Variants in SMIM23 observed in about 807,000 individuals in gnomAD.
The protein encoded by SMIM23 is small integral membrane protein 23, also known as CTB-78H18.1.
In SMIM23, 10 loss-of-function variants were observed where a neutral mutation model predicts 12.8. That is an observed-to-expected ratio of 0.78 (90% CI 0.48 to 1.32). The LOEUF (loss-of-function observed/expected upper bound fraction) is 1.32. SMIM23 is among the 40% of genes most tolerant of loss of function. SMIM23 has a pLI of 0.00. For missense variants in SMIM23, 184 were observed against 198.2 expected (o/e 0.93, Z 0.43); for synonymous variants, 78 against 80.1 (o/e 0.97, Z 0.14).
intron 1 of SMIM23, among the ~76,000 whole-genome samples, chr5:171,788,183 C>G (rs397832727): frequency 7.5e-5 from 11 of 146,914 alleles, no homozygotes; most frequent in Admixed American, 7.5e-4. Flanking sequence ...AACACACACA[C>G]ACACACACAC....
At chr5:171,778,819 C>T (rs1403892500), upstream of SMIM23, among the ~76,000 whole-genome samples, 3 of 152,216 alleles carry the variant, frequency 2.0e-5, no homozygotes, top group Non-Finnish European at 2.9e-5. Flanking sequence ...AATCCCACCA[C>T]GCAGGGTATA....
chr5:171,782,922 G>A (rs527715262), upstream of SMIM23, among the ~76,000 whole-genome samples: 5 of 152,258 alleles, frequency 3.3e-5, no homozygotes, highest in Non-Finnish European at 5.9e-5. Context: ...GCCGGCCTCC[G>A]TATGTAAGTT....
upstream of SMIM23, among the ~76,000 whole-genome samples, chr5:171,784,445 C>T (rs900362315): frequency 1.3e-5 from 2 of 151,824 alleles, no homozygotes; most frequent in Non-Finnish European, 2.9e-5. Flanking sequence ...GCAGAGCTTG[C>T]AGTGAGCCGA....
chr5:171,782,845 A>G (rs980542980), upstream of SMIM23: 2 of 152,190 alleles, frequency 1.3e-5, no homozygotes, highest in African/African-American at 4.8e-5. Context: ...TTAATTCCCC[A>G]CTACCCACAG....
At chr5:171,788,069 G>A (rs1251849552) in intron 1 of SMIM23, among the ~76,000 whole-genome samples, 1 of 151,256 alleles carries the variant, frequency 6.6e-6, no homozygotes. Flanking sequence ...ATACTTGGGT[G>A]TGTAAGAAAT....
upstream of SMIM23, among the ~76,000 whole-genome samples, chr5:171,779,435 A>T (rs1338637132): frequency 1.3e-5 from 2 of 152,204 alleles, no homozygotes; most frequent in African/African-American, 4.8e-5. Flanking sequence ...TATTCTGTAG[A>T]CTAAAGGCAG....
chr5:171,774,504 A>T, the SMIM23 span: 1 of 455,872 alleles, frequency 2.2e-6, no homozygotes, highest in Non-Finnish European at 4.4e-6. Context: ...GGCCGAGGGG[A>T]TCCTGGATTT....
upstream of SMIM23, among the ~76,000 whole-genome samples, chr5:171,783,642 C>T (rs1384077213): frequency 6.6e-6 from 1 of 152,110 alleles, no homozygotes; most frequent in East Asian, 1.9e-4. Flanking sequence ...GAACCTAGGG[C>T]TAGGTGAAGA....
chr5:171,782,624 A>G (rs1755748294), upstream of SMIM23: 1 of 152,198 alleles, frequency 6.6e-6, no homozygotes, highest in South Asian at 2.1e-4. Context: ...CGTAAAAATC[A>G]TACCACCTGC....
chr5:171,785,062 A>G (rs997487638), upstream of SMIM23, among the ~76,000 whole-genome samples: 3 of 152,238 alleles, frequency 2.0e-5, no homozygotes, highest in Admixed American at 2.0e-4. Context: ...AGCAGCCATC[A>G]CGAAGCAGCA....
Position 171,790,493 on chromosome 5 carries a change from G to A in SMIM23, c.169G>A (p.Glu57Lys). 6.5e-7 allele frequency: 1 copy of A among 1,536,760 alleles called. No individual in the cohort carries two copies. Among genetic ancestry groups the A allele is most frequent in the Non-Finnish European group, 8.7e-7 (1 of 1,147,052 alleles). ...LSTEIWGSSW[E>K]VSERIRECNY... Reference sequence around the variant, plus strand: ...TGTGCCTGTTTCAGGAAGCAGTTGGGAGGTGTCAGAAAGGATCAGAGAATG... The same window carrying A: ...TGTGCCTGTTTCAGGAAGCAGTTGGAAGGTGTCAGAAAGGATCAGAGAATG... Residue 57 changes from glutamate (E) to lysine (K), a missense_variant, in exon 3 of 4, where the codon GAG (glutamate) becomes AAG (lysine). By Grantham distance (56) the Glu-to-Lys change is moderately conservative. Coordinates refer to ENST00000523047, the MANE Select transcript of SMIM23 (RefSeq NM_001289970.2).
rs188022627 is a variant in SMIM23, at chr5:171,787,164, C to T, written c.105+1188C>T. Among the ~76,000 whole-genome samples the T allele has an allele frequency of 2.6e-3, 397 of 151,850 alleles. 1 individual carries two copies. Among genetic ancestry groups the T allele is most frequent in the African/African-American group, 9.3e-3 (384 of 41,416 alleles). ...CCTCCCGAGCAGCTGGGACTACAGG[C>T]GCCCGCCACCACACCCAGTTAATTT... On this transcript the variant is annotated intron_variant, in intron 1 of 3. Coordinates refer to ENST00000523047, the MANE Select transcript of SMIM23 (RefSeq NM_001289970.2).
the SMIM23 span, chr5:171,773,912 T>G: frequency 1.6e-5 from 7 of 450,492 alleles, no homozygotes; most frequent in Non-Finnish European, 3.1e-5. Flanking sequence ...ATCCCTGTGG[T>G]TGGAGGACTA....
chr5:171,774,465 C>T, the SMIM23 span: 2 of 456,322 alleles, frequency 4.4e-6, no homozygotes, highest in Non-Finnish European at 8.8e-6. Flanking sequence ...GACCTCTCCC[C>T]CAATCCCCAT....
At chr5:171,783,302 G>A (rs1208665163), upstream of SMIM23, among the ~76,000 whole-genome samples, 1 of 152,180 alleles carries the variant, frequency 6.6e-6, no homozygotes. Flanking sequence ...ATTTTGTTAT[G>A]AAGTTTATAT....
chr5:171,776,340 C>T, the SMIM23 span, among the ~76,000 whole-genome samples: 14 of 152,166 alleles, frequency 9.2e-5, no homozygotes, highest in African/African-American at 4.8e-5. Flanking sequence ...CACAACACAA[C>T]GCGCCCGAGG....
chr5:171,776,458 A>C, the SMIM23 span, among the ~76,000 whole-genome samples: 1 of 152,148 alleles, frequency 6.6e-6, no homozygotes, highest in East Asian at 1.9e-4. Context: ...TGCAGAAGCC[A>C]TTCTGTCTGC....
At chr5:171,785,997 T>C (rs1323141588) in intron 1 of SMIM23, 21 bp downstream of exon 1, 18 of 1,526,050 alleles carry the variant, frequency 1.2e-5, no homozygotes, top group Admixed American at 7.8e-5. Context: ...GCCAGGTACA[T>C]GCTGCTTTCC....
the SMIM23 span, among the ~76,000 whole-genome samples, chr5:171,775,663 A>C: frequency 6.6e-6 from 1 of 152,148 alleles, no homozygotes; most frequent in East Asian, 1.9e-4. Context: ...TCAGTTTTCT[A>C]TCTGTAAAGC....
Sources: gnomAD v4.1 joint callset for allele counts (sites outside exome capture counted in the v4.1 genomes callset) on GRCh38, gnomAD v4.1.1 for gene constraint, MANE v1.5 for transcripts, NCBI Gene and HGNC (gene_info 2026-07-23, HGNC 2026-07-21) for gene names.